The following ZNF205 variants were observed in gnomAD, a reference collection of about 807,000 sequenced individuals.
The protein encoded by ZNF205 is zinc finger protein 205.
In ZNF205, 32 loss-of-function variants were observed where a neutral mutation model predicts 53.6. The ratio of observed to expected loss-of-function variants is 0.60; its 90% confidence interval spans 0.45 to 0.80. The LOEUF is 0.80. ZNF205 is among the 30% of genes least tolerant of loss of function. The probability of loss-of-function intolerance (pLI) is 0.00; values close to 1 mark genes in which losing one functional copy is unlikely to be tolerated. For missense variants in ZNF205, 836 were observed against 782.4 expected (o/e 1.07, Z -0.82); for synonymous variants, 382 against 334.3 (o/e 1.14, Z -1.56).
rs760850586 is a variant in ZNF205 at position 3,120,205 on chromosome 16, G to T, written c.1545G>T (p.Arg515=). The T allele has an allele frequency of 1.2e-6, 2 of 1,611,800 alleles. No homozygotes were observed. Among genetic ancestry groups the T allele is most frequent in the East Asian group, 4.5e-5 (2 of 44,886 alleles). ...ACPLCGKSFS[R]RSNLHRHEKI... is the part of the protein sequence containing the mutation. ...CGTTGTGCGGCAAGAGCTTCAGCCG[G>T]CGCTCCAACCTGCACCGGCACGAGA... Residue 515 remains arginine (R), a synonymous_variant, in exon 7 of 7, where the codon CGG becomes CGT. Coordinates refer to ENST00000219091, the MANE Select transcript of ZNF205 (RefSeq NM_001042428.2).
At position 3,119,477 on chromosome 16, in the gene ZNF205, C is replaced by G; in HGVS notation, c.817C>G (p.Pro273Ala). The change falls in exon 7 of 7, where the codon CCC (proline) becomes GCC (alanine). Residue 273 changes from proline to alanine, a missense_variant. Pro to Ala is a conservative substitution (Grantham distance 27, BLOSUM62 -1). Coordinates refer to ENST00000219091, the MANE Select transcript of ZNF205 (RefSeq NM_001042428.2). ...AAPPDPSPTEPQEYRVPEKPN... is the reference protein window; with the variant it reads ...AAPPDPSPTEAQEYRVPEKPN... ...TCCGCCAGACCCCAGTCCCACGGAG[C>G]CCCAGGAGTACCGCGTCCCGGAGAA... The G allele has an allele frequency of 6.3e-7, 1 of 1,590,038 alleles. No homozygotes were observed. The highest frequency in any genetic ancestry group is 1.1e-5 in the South Asian group (1 of 88,868).
chr16:3,112,667 C>T lies in ZNF205; in HGVS notation c.-30C>T. 1 of 308,100 alleles carries T rather than the reference C, an allele frequency of 3.2e-6. No individual in the cohort carries two copies. 19.1% of individuals were successfully genotyped at this position (308,100 alleles called of 1,614,324 possible). ...GGGCCCCCACTGCCGCAGGTGCCCC[C>T]TCTGCCTCCACCCCGGTGAGAAGGG... On this transcript the variant is annotated 5_prime_UTR_variant, in exon 1 of 7. Coordinates refer to ENST00000219091, the MANE Select transcript of ZNF205 (RefSeq NM_001042428.2).
Position 3,119,010 on chromosome 16 carries a change from G to C in ZNF205, c.590G>C (p.Cys197Ser). The C allele has an allele frequency of 4.3e-6, 7 of 1,613,174 alleles. No homozygotes were observed. The highest frequency in any genetic ancestry group is 5.9e-6 in the Non-Finnish European group (7 of 1,179,854). The change falls in exon 6 of 7, where the codon TGC becomes TCC. Residue 197 changes from cysteine to serine, a missense_variant. Coordinates refer to ENST00000219091, the MANE Select transcript of ZNF205 (RefSeq NM_001042428.2). ...GATGAGAAGGAGTGGAGAGGCGCGTGCACAGGTGAGGGACGGGCGCGCGCC... is the reference window on the plus strand; with the variant it reads ...GATGAGAAGGAGTGGAGAGGCGCGTCCACAGGTGAGGGACGGGCGCGCGCC... The part of the protein sequence containing the change: ...AGDEKEWRGA[C>S]TGAVEVGQRV...
chr16:3,116,984 T>C (rs908960160), intron 5 of ZNF205, among the ~76,000 whole-genome samples: 5 of 151,992 alleles, frequency 3.3e-5, no homozygotes, highest in Admixed American at 6.6e-5. Flanking sequence ...TTAGTAGAGA[T>C]GGGGTTTCAC....
chr16:3,113,156 T>C (rs531587591), intron 1 of ZNF205, among the ~76,000 whole-genome samples: 1 of 152,288 alleles, frequency 6.6e-6, no homozygotes, highest in Admixed American at 6.5e-5. Flanking sequence ...GCTTCAGCAA[T>C]AAAGGGGACA....
intron 5 of ZNF205, among the ~76,000 whole-genome samples, chr16:3,116,955 C>T (rs555962171): frequency 2.6e-5 from 4 of 152,218 alleles, no homozygotes; most frequent in South Asian, 4.1e-4. Context: ...CCACCACGCC[C>T]GGCTAATTTT....
chr16:3,113,479 C>G lies in ZNF205; in HGVS notation c.49C>G (p.Pro17Ala), dbSNP rs754509014. Residue 17 changes from proline (P) to alanine (A), a missense_variant, in exon 2 of 7, where the codon CCC becomes GCC. Physicochemically the swap from Pro to Ala is conservative, Grantham distance 27. Transcript: ENST00000219091. ...GIQDTQDKET[P>A]PEVPDRGHPH... Reference sequence around the variant, plus strand: ...CCAGGACACCCAGGACAAGGAGACACCCCCGGAGGTACAGATGGGGCTGGC... The same window carrying G: ...CCAGGACACCCAGGACAAGGAGACAGCCCCGGAGGTACAGATGGGGCTGGC... 6.2e-7 allele frequency: 1 copy of G among 1,613,240 alleles called. No homozygotes were observed. The highest frequency in any genetic ancestry group is 1.1e-5 in the South Asian group (1 of 90,948).
Position 3,120,094 on chromosome 16 carries a change from C to A in ZNF205, c.1434C>A (p.Cys478Ter). The A allele has an allele frequency of 1.2e-6, 2 of 1,613,914 alleles. No individual in the cohort carries two copies. Among genetic ancestry groups the A allele is most frequent in the Non-Finnish European group, 1.7e-6 (2 of 1,179,898 alleles). Residue 478 changes from cysteine to a stop codon, truncating the protein, a stop_gained, in exon 7 of 7, where the codon TGC becomes TGA. Coordinates refer to ENST00000219091, the MANE Select transcript of ZNF205 (RefSeq NM_001042428.2). LOFTEE classifies it high-confidence loss of function. ...RTHTGEKPYH[C>*]LDCGKSFSHS... ...ACACAGGCGAGAAGCCCTACCACTG[C>A]CTCGACTGCGGCAAGAGCTTCAGCC...
chr16:3,116,578 T>A (rs1458323881), intron 5 of ZNF205, 31 bp downstream of exon 5: 1 of 1,606,866 alleles, frequency 6.2e-7, no homozygotes, highest in Non-Finnish European at 8.5e-7. Context: ...GGGACTGGGG[T>A]GTTAGGGAGA....
intron 5 of ZNF205, among the ~76,000 whole-genome samples, chr16:3,118,066 C>G (rs224179): frequency 0.77 from 106,990 of 139,228 alleles, 41,314 homozygotes; most frequent in Middle Eastern, 0.88. Flanking sequence ...GTTTCACCAT[C>G]TTGGCCAGGA....
At chr16:3,114,462 C>T (rs942396357) in intron 2 of ZNF205, among the ~76,000 whole-genome samples, 2 of 152,184 alleles carry the variant, frequency 1.3e-5, no homozygotes, top group Non-Finnish European at 2.9e-5. Flanking sequence ...GAGGTTCTTT[C>T]CCTTCAAGAC....
chr16:3,119,281 G>T lies in ZNF205; in HGVS notation c.621G>T (p.Val207=). The T allele has an allele frequency of 6.2e-7, 1 of 1,607,424 alleles. No homozygotes were observed. The highest frequency in any genetic ancestry group is 1.3e-5 in the African/African-American group (1 of 74,808). ...CTGAVEVGQR[V]QTSSVAALGN... ...GAGCCGTCGAGGTGGGGCAGAGGGT[G>T]CAGACCTCATCCGTGGCAGCCCTTG... Residue 207 remains valine, a synonymous_variant, in exon 7 of 7, where the codon GTG becomes GTT. Coordinates refer to ENST00000219091, the MANE Select transcript of ZNF205 (RefSeq NM_001042428.2).
chr16:3,115,603 G>A, intron 3 of ZNF205, 35 bp downstream of exon 3: 1 of 1,549,412 alleles, frequency 6.5e-7, no homozygotes, highest in South Asian at 1.2e-5. Flanking sequence ...GCTTTCCCAG[G>A]GAGGCAGCTG....
intron 2 of ZNF205, chr16:3,115,039 A>G (rs1442452385): frequency 4.3e-6 from 1 of 234,336 alleles, no homozygotes; most frequent in African/African-American, 2.2e-5. Flanking sequence ...CTTAGAGGAC[A>G]CTATTCAAGC....
chr16:3,119,224 G>A (rs768282237), intron 6 of ZNF205, 32 bp from the exon 7 acceptor site: 7 of 1,547,806 alleles, frequency 4.5e-6, no homozygotes, highest in South Asian at 2.5e-5. Flanking sequence ...AGGGAAGCTC[G>A]TCCCTAGCTG....
intron 4 of ZNF205, 131 bp downstream of exon 4, chr16:3,116,051 C>T (rs768103019): frequency 1.5e-4 from 153 of 1,046,874 alleles, no homozygotes; most frequent in Non-Finnish European, 2.1e-4. Context: ...GCTAGTGTTG[C>T]TGGAATTGTC....
chr16:3,119,664 C>T lies in ZNF205; in HGVS notation c.1004C>T (p.Pro335Leu). The T allele has an allele frequency of 1.2e-6, 2 of 1,613,268 alleles. No homozygotes were observed. Among genetic ancestry groups the T allele is most frequent in the South Asian group, 1.1e-5 (1 of 91,062 alleles). The change falls in exon 7 of 7, where the codon CCC (proline) becomes CTC (leucine). Residue 335 changes from proline (P) to leucine (L), a missense_variant. By Grantham distance (98) the Pro-to-Leu change is moderately conservative. Coordinates refer to ENST00000219091, the MANE Select transcript of ZNF205 (RefSeq NM_001042428.2). ...THRRTHTGEKPYACTDCGKRF... is the reference protein window; with the variant it reads ...THRRTHTGEKLYACTDCGKRF... The stretch of plus-strand genomic sequence containing the variant: ...CGGCGCACGCACACGGGCGAGAAGC[C>T]CTACGCCTGCACTGACTGCGGGAAG...
chr16:3,118,815 C>T, intron 5 of ZNF205, 90 bp from the exon 6 acceptor site: 1 of 1,368,492 alleles, frequency 7.3e-7, no homozygotes. Flanking sequence ...GCCTCACCCC[C>T]TACTTGGGCC....
chr16:3,113,786 TC>T (rs1957303278), intron 2 of ZNF205, among the ~76,000 whole-genome samples: 1 of 152,106 alleles, frequency 6.6e-6, no homozygotes, highest in Admixed American at 6.5e-5. Context: ...CTGTTCTCCT[TC>T]CCCGTGCTTC....
Sources: allele counts gnomAD v4.1 joint callset (sites outside exome capture counted in the v4.1 genomes callset), GRCh38; gene constraint gnomAD v4.1.1; transcripts MANE v1.5; gene names NCBI Gene and HGNC (gene_info 2026-07-23, HGNC 2026-07-21).